Variants in CYP2J2 observed in about 807,000 individuals in gnomAD.
CYP2J2 encodes cytochrome P450 family 2 subfamily J member 2.
In CYP2J2, 41 loss-of-function variants were observed where a neutral mutation model predicts 48.8. The observed-to-expected ratio is 0.84, with a 90% CI of 0.66 to 1.09. The LOEUF (loss-of-function observed/expected upper bound fraction) is 1.09, where lower values mean the gene tolerates loss of function less well. CYP2J2 is among the 50% of genes least tolerant of loss of function. The pLI, the probability that CYP2J2 is intolerant of heterozygous loss-of-function variation, is 0.00. For synonymous variants in CYP2J2, 221 were observed against 227.1 expected (o/e 0.97, Z 0.24); for missense variants, 644 against 617.3 (o/e 1.04, Z -0.46).
At position 59,897,917 on chromosome 1, in the gene CYP2J2, C is replaced by T. The variant is rs184596188; in HGVS notation, c.1330+3048G>A. ...AAGCAACTGCATGCCAAAAGATGGGCATGTGATGAAAAAAACAGACAGTTG... is the reference window on the plus strand; with the variant it reads ...AAGCAACTGCATGCCAAAAGATGGGTATGTGATGAAAAAAACAGACAGTTG... On this transcript the variant is annotated intron_variant, in intron 8 of 8. Coordinates refer to ENST00000371204, the MANE Select transcript of CYP2J2 (RefSeq NM_000775.4). Among the ~76,000 whole-genome samples, 567 of 152,222 alleles carry T rather than the reference C, an allele frequency of 3.7e-3. 6 individuals carry two copies. Among genetic ancestry groups the T allele is most frequent in the South Asian group, 0.014 (67 of 4,818 alleles).
At chr1:59,948,917 G>A in the CYP2J2 span, among the ~76,000 whole-genome samples, 53 of 152,268 alleles carry the variant, frequency 3.5e-4, no homozygotes, top group Non-Finnish European at 6.6e-4. Context: ...TGTAGTCCCA[G>A]CTACTCAGGA....
rs1014652385 is a variant in CYP2J2 at position 59,916,227 on chromosome 1, G to A, written c.211-127C>T. 1.8e-3 allele frequency: 1,039 copies of A among 574,678 alleles called. 1 individual carries two copies. The highest frequency in any genetic ancestry group is 2.4e-3 in the Admixed American group (74 of 31,372). The allele number at this position is 574,678 out of a possible 1,614,324, so 35.6% of individuals were successfully genotyped here. On this transcript the variant is annotated intron_variant, in intron 1 of 8. Coordinates refer to ENST00000371204, the MANE Select transcript of CYP2J2 (RefSeq NM_000775.4). ...TGTGTCTGTGTCTGTGTGTGTACGTGTGTGTGTGTGTGTGTGTGAGTGAGT... is the reference window on the plus strand; with the variant it reads ...TGTGTCTGTGTCTGTGTGTGTACGTATGTGTGTGTGTGTGTGTGAGTGAGT...
chr1:59,940,513 C>T, the CYP2J2 span, among the ~76,000 whole-genome samples: 1 of 152,090 alleles, frequency 6.6e-6, no homozygotes, highest in Admixed American at 6.5e-5. Flanking sequence ...TACTTTTGCA[C>T]CAAACTAATA....
At chr1:59,942,933 A>G in the CYP2J2 span, among the ~76,000 whole-genome samples, 1 of 152,322 alleles carries the variant, frequency 6.6e-6, no homozygotes, top group South Asian at 2.1e-4. Context: ...CCCGTTTTAC[A>G]AAATGAAGAA....
At chr1:59,956,183 G>A in the CYP2J2 span, among the ~76,000 whole-genome samples, 1 of 152,096 alleles carries the variant, frequency 6.6e-6, no homozygotes, top group African/African-American at 2.4e-5. Flanking sequence ...AAGTGAAAAT[G>A]GGTAAAGAGT....
rs188625340 is a variant in CYP2J2, at chr1:59,902,268, G to A, written c.1192-1165C>T. On this transcript the variant is annotated intron_variant, in intron 7 of 8. Coordinates refer to ENST00000371204, the MANE Select transcript of CYP2J2 (RefSeq NM_000775.4). ...GTTTTTTCCTTTGGGCAGTTATCAC[G>A]TTTCTAAATATGTACTTGCATGATT... is the stretch of plus-strand genomic sequence containing the variant. 2.6e-5 allele frequency among the ~76,000 whole-genome samples: 4 copies of A among 152,038 alleles called. No homozygotes were observed. The East Asian group carries it at 5.8e-4, about 22-fold the overall frequency.
the CYP2J2 span, among the ~76,000 whole-genome samples, chr1:59,953,706 C>G: frequency 6.6e-6 from 1 of 151,882 alleles, no homozygotes; most frequent in African/African-American, 2.4e-5. Flanking sequence ...GAAAGTGATC[C>G]AGAGAGGGGA....
the CYP2J2 span, among the ~76,000 whole-genome samples, chr1:59,955,536 G>A: frequency 1.1e-3 from 160 of 152,040 alleles, 4 homozygotes; most frequent in South Asian, 0.031. Flanking sequence ...CCCACTGATT[G>A]CTTTTTACTT....
the CYP2J2 span, among the ~76,000 whole-genome samples, chr1:59,958,852 ATC>A: frequency 1.3e-5 from 2 of 151,934 alleles, no homozygotes; most frequent in African/African-American, 4.8e-5. Context: ...ACCTCCAAAA[ATC>A]TGTTTTTAGT....
At chr1:59,969,142 C>G in the CYP2J2 span, among the ~76,000 whole-genome samples, 7,603 of 152,246 alleles carry the variant, frequency 0.05, 450 homozygotes, top group African/African-American at 0.14. Context: ...AAAGAGTTAG[C>G]AGCAGGAAGA....
the CYP2J2 span, among the ~76,000 whole-genome samples, chr1:59,957,949 A>G: frequency 6.6e-6 from 1 of 152,136 alleles, no homozygotes; most frequent in Admixed American, 6.6e-5. Context: ...ATTATGGAGC[A>G]ATACCATGAA....
the CYP2J2 span, among the ~76,000 whole-genome samples, chr1:59,964,419 T>C: frequency 6.6e-6 from 1 of 152,206 alleles, no homozygotes; most frequent in Non-Finnish European, 1.5e-5. Context: ...GCCTGCTTTT[T>C]CGCATTTTAT....
In CYP2J2 at chr1:59,907,827, C is replaced by A. The variant is rs761034141; in HGVS notation, c.962G>T (p.Arg321Leu). The A allele has an allele frequency of 2.5e-6, 4 of 1,614,020 alleles. No individual in the cohort carries two copies. Among genetic ancestry groups the A allele is most frequent in the Non-Finnish European group, 8.5e-7 (1 of 1,179,976 alleles). ...GAGGGCCATATAAAGCAGAGCCCATCGCAGAGTTGTGGAAGTTGTCTCGGT... is the reference window on the plus strand; with the variant it reads ...GAGGGCCATATAAAGCAGAGCCCATAGCAGAGTTGTGGAAGTTGTCTCGGT... ...AGTETTSTTLRWALLYMALYP... is the reference protein window; with the variant it reads ...AGTETTSTTLLWALLYMALYP... The change falls in exon 6 of 9, where the codon CGA becomes CTA. Residue 321 changes from arginine (R) to leucine (L), a missense_variant. Coordinates refer to ENST00000371204, the MANE Select transcript of CYP2J2 (RefSeq NM_000775.4).
upstream of CYP2J2, among the ~76,000 whole-genome samples, chr1:59,929,139 T>C (rs963939370): frequency 2.6e-5 from 4 of 152,292 alleles, no homozygotes; most frequent in Non-Finnish European, 5.9e-5. Context: ...ACCAATGTCG[T>C]TGTATTGTGA....
At chr1:59,950,777 GAC>G in the CYP2J2 span, among the ~76,000 whole-genome samples, 2 of 152,290 alleles carry the variant, frequency 1.3e-5, no homozygotes, top group African/African-American at 4.8e-5. Context: ...GGTCTCATTT[GAC>G]ATCTGAGGCA....
the CYP2J2 span, among the ~76,000 whole-genome samples, chr1:59,946,043 G>T: frequency 6.6e-6 from 1 of 152,126 alleles, no homozygotes; most frequent in Admixed American, 6.6e-5. Flanking sequence ...GCACAATCGT[G>T]CCAGAGTTTA....
At chr1:59,931,673 G>C (rs1170190701), upstream of CYP2J2, among the ~76,000 whole-genome samples, 1 of 151,948 alleles carries the variant, frequency 6.6e-6, no homozygotes, top group African/African-American at 2.4e-5. Flanking sequence ...TTACAACTAA[G>C]AAGTTATATT....
intron 1 of CYP2J2, among the ~76,000 whole-genome samples, chr1:59,923,077 C>T (rs780457459): frequency 6.0e-5 from 9 of 150,980 alleles, no homozygotes; most frequent in Non-Finnish European, 1.2e-4. Context: ...AGGAGGTGCA[C>T]TTCCCCTTGG....
At chr1:59,908,372 G>A (rs1170264670) in intron 5 of CYP2J2, among the ~76,000 whole-genome samples, 2 of 152,194 alleles carry the variant, frequency 1.3e-5, no homozygotes, top group African/African-American at 4.8e-5. Flanking sequence ...TTATATGAAT[G>A]CAAGGACGCA....
Sources: allele counts gnomAD v4.1 joint callset (sites outside exome capture counted in the v4.1 genomes callset), GRCh38; gene constraint gnomAD v4.1.1; transcripts MANE v1.5; gene names NCBI Gene and HGNC (gene_info 2026-07-23, HGNC 2026-07-21).